The following SLC44A5 variants were observed in gnomAD, a reference collection of about 807,000 sequenced individuals.
The protein encoded by SLC44A5 is solute carrier family 44 member 5, also known as choline transporter-like protein 5.
SLC44A5 carries 57 observed loss-of-function variants against 101.8 expected under a neutral mutation model. The ratio of observed to expected loss-of-function variants is 0.56; its 90% CI spans 0.45 to 0.70. SLC44A5 has a LOEUF of 0.70. Ranked by LOEUF, SLC44A5 falls within the 30% of genes least tolerant of loss-of-function variation. The pLI is 0.00. For synonymous variants in SLC44A5, 281 were observed against 290.9 expected (o/e 0.97, Z 0.35); for missense variants, 737 against 853.1 (o/e 0.86, Z 1.70).
At chr1:75,468,930 T>C (rs1247700821) in intron 2 of SLC44A5, among the ~76,000 whole-genome samples, 1 of 152,204 alleles carries the variant, frequency 6.6e-6, no homozygotes, top group African/African-American at 2.4e-5. Context: ...AAATATCTCA[T>C]GTACCTCATA....
intron 18 of SLC44A5, 91 bp from the exon 19 acceptor site, chr1:75,215,948 TA>T: frequency 1.4e-6 from 1 of 727,126 alleles, no homozygotes; most frequent in Non-Finnish European, 2.3e-6. Context: ...AAATGAGATT[TA>T]AAATTTTTTA....
At chr1:75,363,359 G>A (rs1460690106) in intron 3 of SLC44A5, among the ~76,000 whole-genome samples, 2 of 151,898 alleles carry the variant, frequency 1.3e-5, no homozygotes, top group Non-Finnish European at 2.9e-5. Context: ...TGGTTGTTTT[G>A]TAGATTCTTT....
the SLC44A5 span, among the ~76,000 whole-genome samples, chr1:75,646,966 C>T: frequency 6.6e-6 from 1 of 152,178 alleles, no homozygotes; most frequent in Non-Finnish European, 1.5e-5. Flanking sequence ...AAATTCAAGC[C>T]AGATGCAGAC....
chr1:75,514,026 G>A (rs375307677), intron 2 of SLC44A5, among the ~76,000 whole-genome samples: 16 of 151,996 alleles, frequency 1.1e-4, no homozygotes, highest in African/African-American at 3.9e-4. Flanking sequence ...ATTTTTTTTT[G>A]TAGAGCTGGA....
chr1:75,275,500 T>A (rs913481376), intron 5 of SLC44A5, among the ~76,000 whole-genome samples: 3 of 152,148 alleles, frequency 2.0e-5, no homozygotes, highest in Non-Finnish European at 2.9e-5. Flanking sequence ...TAATGCCCAA[T>A]TCAAATTTAC....
intron 2 of SLC44A5, among the ~76,000 whole-genome samples, chr1:75,452,181 G>A (rs114487755): frequency 0.011 from 1,610 of 152,210 alleles, 26 homozygotes; most frequent in African/African-American, 0.033. Context: ...AGGTAACTCC[G>A]TCAGTCTAAC....
intron 1 of SLC44A5, among the ~76,000 whole-genome samples, chr1:75,592,917 G>A (rs371935217): frequency 1.3e-5 from 2 of 152,220 alleles, no homozygotes; most frequent in South Asian, 4.1e-4. Context: ...AAACTCTCCA[G>A]GACATTGGTC....
the SLC44A5 span, among the ~76,000 whole-genome samples, chr1:75,661,387 T>TAAAAAAAAAAAAA: frequency 9.0e-4 from 48 of 53,612 alleles, 4 homozygotes; most frequent in East Asian, 1.9e-3. Flanking sequence ...CTACTGCAAG[T>TAAAAAAAAAAAAA]AAAAAAAAAA....
At chr1:75,445,147 G>T (rs1665478501) in intron 2 of SLC44A5, among the ~76,000 whole-genome samples, 1 of 152,086 alleles carries the variant, frequency 6.6e-6, no homozygotes. Context: ...GTGATGTATG[G>T]GTCATGGGAG....
At chr1:75,456,191 C>A (rs1226751873) in intron 2 of SLC44A5, among the ~76,000 whole-genome samples, 8 of 152,104 alleles carry the variant, frequency 5.3e-5, no homozygotes, top group African/African-American at 1.9e-4. Context: ...AGAATGAAAT[C>A]ATGTCCTTTG....
chr1:75,626,809 T>G, the SLC44A5 span, among the ~76,000 whole-genome samples: 1 of 152,176 alleles, frequency 6.6e-6, no homozygotes, highest in Non-Finnish European at 1.5e-5. Flanking sequence ...CTTGGTTATC[T>G]TCACATTACT....
At chr1:75,581,962 C>G in intron 1 of SLC44A5, 1 of 387,358 alleles carries the variant, frequency 2.6e-6, no homozygotes, top group East Asian at 6.3e-5. Context: ...AGGTAAACCT[C>G]TTTCTTTAAA....
intron 2 of SLC44A5, among the ~76,000 whole-genome samples, chr1:75,489,319 A>G (rs555739302): frequency 2.6e-5 from 4 of 152,360 alleles, no homozygotes; most frequent in African/African-American, 9.6e-5. Context: ...AATATTCAGA[A>G]TTTTTGCTCC....
At chr1:75,669,560 T>C in the SLC44A5 span, among the ~76,000 whole-genome samples, 168 of 152,354 alleles carry the variant, frequency 1.1e-3, no homozygotes, top group Middle Eastern at 3.4e-3. Context: ...TAAGGAGTTC[T>C]TTAATCTCTG....
At chr1:75,338,439 A>C (rs1404689504) in intron 4 of SLC44A5, among the ~76,000 whole-genome samples, 1 of 152,186 alleles carries the variant, frequency 6.6e-6, no homozygotes, top group Non-Finnish European at 1.5e-5. Flanking sequence ...ATTTATTATA[A>C]TTATTATTAC....
chr1:75,598,105 C>G (rs1403207066), intron 1 of SLC44A5, among the ~76,000 whole-genome samples: 1 of 151,542 alleles, frequency 6.6e-6, no homozygotes, highest in Non-Finnish European at 1.5e-5. Context: ...AAAAAAAAAC[C>G]CATAAAAAAG....
chr1:75,533,011 G>A (rs771212383), intron 2 of SLC44A5, among the ~76,000 whole-genome samples: 29 of 151,914 alleles, frequency 1.9e-4, no homozygotes, highest in Admixed American at 1.4e-3. Context: ...CTTGTTCATC[G>A]CCACAAATTG....
At chr1:75,345,806 G>A (rs1268587787) in intron 3 of SLC44A5, among the ~76,000 whole-genome samples, 1 of 152,076 alleles carries the variant, frequency 6.6e-6, no homozygotes, top group African/African-American at 2.4e-5. Context: ...CACCCCCAAA[G>A]TCTTCTAAAT....
chr1:75,471,245 G>A (rs965231797), intron 2 of SLC44A5, among the ~76,000 whole-genome samples: 13 of 152,120 alleles, frequency 8.5e-5, no homozygotes, highest in African/African-American at 3.1e-4. Context: ...ATCATTGCTT[G>A]AATTTCTGCC....
Sources: allele counts gnomAD v4.1 joint callset (sites outside exome capture counted in the v4.1 genomes callset), GRCh38; gene constraint gnomAD v4.1.1; transcripts MANE v1.5; gene names NCBI Gene and HGNC (gene_info 2026-07-23, HGNC 2026-07-21).